The following MUC5B variants were observed in gnomAD, a reference collection of about 807,000 sequenced individuals.
MUC5B encodes the protein mucin 5B, oligomeric mucus/gel-forming.
A neutral mutation model predicts 376.9 loss-of-function variants in MUC5B; 116 were observed. The observed-to-expected ratio is 0.31, with a 90% CI of 0.26 to 0.36. MUC5B has a LOEUF of 0.36. MUC5B is among the 10% of genes least tolerant of loss of function. The probability of loss-of-function intolerance (pLI) is 1.00; values close to 1 mark genes in which losing one functional copy is unlikely to be tolerated. For synonymous variants in MUC5B, 3,517 were observed against 3,390.9 expected (o/e 1.04, Z -1.29); for missense variants, 7,165 against 7,769.9 (o/e 0.92, Z 2.93).
rs751827579 is a variant in MUC5B at position 1,250,187 on chromosome 11, C to A, written c.13307C>A (p.Ser4436Tyr). ...TTATTTASTG[S>Y]TATPSSTPGT... is the part of the protein sequence containing the mutation. ...GCCACTACGACTGCGTCCACTGGAT[C>A]CACGGCCACCCCGTCCTCCACCCCA... The change falls in exon 31 of 49, where the codon TCC becomes TAC. Residue 4436 changes from serine to tyrosine, a missense_variant. By Grantham distance (144) the Ser-to-Tyr change is moderately radical (BLOSUM62 -2). This residue lies in a region of MUC5B where 431 missense variants were observed against 390.4 expected (regional missense o/e 1.10). Transcript: ENST00000529681. 6.2e-7 allele frequency: 1 copy of A among 1,609,460 alleles called. No homozygotes were observed. Among genetic ancestry groups the A allele is most frequent in the African/African-American group, 1.3e-5 (1 of 74,828 alleles).
intron 34 of MUC5B, 43 bp from the exon 35 acceptor site, chr11:1,254,651 C>A (rs374442516): frequency 1.9e-6 from 3 of 1,585,816 alleles, no homozygotes; most frequent in Non-Finnish European, 2.6e-6. Context: ...CCGAGCCCAC[C>A]TGGCACTGCC....
At position 1,236,408 on chromosome 11, in the gene MUC5B, A is replaced by T. The variant is rs776774670; in HGVS notation, c.2903A>T (p.Glu968Val). 21 of 1,611,716 alleles carry T rather than the reference A, an allele frequency of 1.3e-5. No homozygotes were observed. Among genetic ancestry groups the T allele is most frequent in the Non-Finnish European group, 1.8e-5 (21 of 1,179,288 alleles). ...FVESYELILQ[E>V]GTFKAVARGP... The stretch of plus-strand genomic sequence containing the variant: ...CAGAGCTACGAGCTGATCCTCCAAG[A>T]GGGGACCTTTAAGGCGGTGGCGAGA... The change falls in exon 24 of 49, where the codon GAG becomes GTG. Residue 968 changes from glutamate (E) to valine (V), a missense_variant. This residue lies in a region of MUC5B where 530 missense variants were observed against 604.0 expected (regional missense o/e 0.88). Transcript: ENST00000529681.
At position 1,243,492 on chromosome 11, in the gene MUC5B, C is replaced by A. The variant is rs757376465; in HGVS notation, c.6612C>A (p.Pro2204=). The change falls in exon 31 of 49, where the codon CCC becomes CCA. Residue 2204 remains proline, a synonymous_variant. Coordinates refer to ENST00000529681, the MANE Select transcript of MUC5B (RefSeq NM_002458.3). ...MATTHGRSLP[P]SSPHTVRTAW... ...CCACACACGGGCGATCCCTGCCCCC[C>A]AGCAGTCCCCACACGGTGCGCACAG... is the stretch of plus-strand genomic sequence containing the variant. 1.9e-5 allele frequency: 30 copies of A among 1,590,912 alleles called. 1 individual carries two copies. In the South Asian group the frequency reaches 3.0e-4, roughly 16 times the overall value.
chr11:1,226,356 G>C (rs1487151183), intron 3 of MUC5B, 80 bp downstream of exon 3: 2 of 1,496,976 alleles, frequency 1.3e-6, no homozygotes, highest in Non-Finnish European at 1.8e-6. Context: ...TAGGGGTGCA[G>C]CTGCCACCAG....
rs376119692 is a variant in MUC5B, at chr11:1,226,738, G to A, written c.323G>A (p.Arg108His). 42 of 1,612,614 alleles carry A rather than the reference G, an allele frequency of 2.6e-5. No individual in the cohort carries two copies. Among genetic ancestry groups the A allele is most frequent in the African/African-American group, 8.0e-5 (6 of 74,934 alleles). The change falls in exon 4 of 49, where the codon CGC becomes CAC. Residue 108 changes from arginine to histidine, a missense_variant. Around this residue, in one of 31 missense-constraint regions of MUC5B, gnomAD observed 640 missense variants for 733.0 expected, o/e 0.87. Transcript: ENST00000529681. The stretch of plus-strand genomic sequence containing the variant: ...AACTACGTGTTCTCTGAGCACTGCC[G>A]CGCCGCCTACGAGGACTTCAACGTC... ...LCNYVFSEHC[R>H]AAYEDFNVQL... is the part of the protein sequence containing the mutation.
In MUC5B at chr11:1,250,542, C is replaced by T. The variant is rs964378079; in HGVS notation, c.13662C>T (p.Ser4554=). 8.7e-6 allele frequency: 14 copies of T among 1,613,576 alleles called. No individual in the cohort carries two copies. Among genetic ancestry groups the T allele is most frequent in the African/African-American group, 6.7e-5 (5 of 74,914 alleles). ...TATMSTATPS[S]TPETVHTSTV... The stretch of plus-strand genomic sequence containing the variant: ...CCATGTCCACAGCCACACCCTCCTC[C>T]ACTCCAGAGACTGTCCACACCTCCA... The change falls in exon 31 of 49, where the codon TCC becomes TCT. Residue 4554 remains serine, a synonymous_variant. Coordinates refer to ENST00000529681, the MANE Select transcript of MUC5B (RefSeq NM_002458.3).
At chr11:1,260,302 C>A in intron 46 of MUC5B, 49 bp from the exon 47 acceptor site, 1 of 1,588,968 alleles carries the variant, frequency 6.3e-7, no homozygotes, top group Non-Finnish European at 8.6e-7. Context: ...CCGCACCCAC[C>A]AGGGAGGCCC....
chr11:1,237,269 C>G, intron 25 of MUC5B, 105 bp downstream of exon 25: 8 of 1,260,058 alleles, frequency 6.3e-6, no homozygotes, highest in East Asian at 3.1e-5. Flanking sequence ...CAAGGAGGGT[C>G]TGACCATGTC....
In MUC5B at chr11:1,242,006, G is replaced by C; in HGVS notation, c.5126G>C (p.Trp1709Ser). 1.9e-6 allele frequency: 3 copies of C among 1,587,470 alleles called. No individual in the cohort carries two copies. Among genetic ancestry groups the C allele is most frequent in the Non-Finnish European group, 2.6e-6 (3 of 1,167,766 alleles). ...GGGACGACGGGGAGCTTGGGCACAT[G>C]GCGCCCCTCACAGCCACCCACGCTG... Reference protein sequence around the residue: ...LPGTTGSLGTWRPSQPPTLAP... With the variant: ...LPGTTGSLGTSRPSQPPTLAP... Residue 1709 changes from tryptophan (W) to serine (S), a missense_variant, in exon 31 of 49, where the codon TGG becomes TCG. By Grantham distance (177) the Trp-to-Ser change is radical. This residue lies in a region of MUC5B where 897 missense variants were observed against 779.6 expected (regional missense o/e 1.15). Transcript: ENST00000529681.
rs1009562273 is a variant in MUC5B at position 1,228,676 on chromosome 11, C to T, written c.887C>T (p.Thr296Ile). ...ACAQDLCRCPTCPCATFVEYS... is the reference protein window; with the variant it reads ...ACAQDLCRCPICPCATFVEYS... Reference sequence around the variant, plus strand: ...GCCCAGGACCTGTGCCGCTGCCCCACCTGCCCGTGTGCCACCTTTGTGGAA... The same window carrying T: ...GCCCAGGACCTGTGCCGCTGCCCCATCTGCCCGTGTGCCACCTTTGTGGAA... The change falls in exon 8 of 49, where the codon ACC (threonine) becomes ATC (isoleucine). Residue 296 changes from threonine to isoleucine, a missense_variant. By Grantham distance (89) the Thr-to-Ile change is moderately conservative. Transcript: ENST00000529681. The T allele has an allele frequency of 1.3e-6, 2 of 1,534,468 alleles. No individual in the cohort carries two copies. The highest frequency in any genetic ancestry group is 2.0e-5 in the Admixed American group (1 of 50,950).
chr11:1,226,980 G>GCCC, intron 4 of MUC5B, 51 bp from the exon 5 acceptor site: 1 of 796,874 alleles, frequency 1.3e-6, no homozygotes, highest in Non-Finnish European at 2.0e-6. Context: ...GGTTGGGTGG[G>GCCC]CAGGCAGCCA....
Position 1,233,265 on chromosome 11 carries a change from T to C in MUC5B, c.2318T>C (p.Val773Ala). 6.4e-7 allele frequency: 1 copy of C among 1,562,502 alleles called. No individual in the cohort carries two copies. Among genetic ancestry groups the C allele is most frequent in the Non-Finnish European group, 8.6e-7 (1 of 1,156,076 alleles). ...GAGGTGGTGCACGACGAGGGCGCCG[T>C]GTGGTAAGGGTCTGGGGGGAAAGCA... is the stretch of plus-strand genomic sequence containing the variant. ...PGEVVHDEGAVCSCTGGKLSC... is the reference protein window; with the variant it reads ...PGEVVHDEGAACSCTGGKLSC... Residue 773 changes from valine (V) to alanine (A), a missense_variant, in exon 18 of 49, where the codon GTG becomes GCG. Coordinates refer to ENST00000529681, the MANE Select transcript of MUC5B (RefSeq NM_002458.3).
At chr11:1,252,307 G>A in intron 31 of MUC5B, 36 bp from the exon 32 acceptor site, 1 of 1,515,442 alleles carries the variant, frequency 6.6e-7, no homozygotes, top group South Asian at 1.3e-5. Flanking sequence ...CCATCTCTGG[G>A]AGTGGCTTAT....
intron 26 of MUC5B, 171 bp from the exon 27 acceptor site, chr11:1,239,266 TG>T: frequency 1.1e-6 from 1 of 945,406 alleles, no homozygotes; most frequent in South Asian, 1.7e-5. Context: ...AGGGCAGGGC[TG>T]GGGAGTGGAG....
chr11:1,259,341 C>T (rs1230955496), intron 44 of MUC5B, among the ~76,000 whole-genome samples: 2 of 152,178 alleles, frequency 1.3e-5, no homozygotes, highest in East Asian at 3.9e-4. Flanking sequence ...ACCCGAGGCA[C>T]CTGCCCCCAG....
rs757776273 is a variant in MUC5B at position 1,254,723 on chromosome 11, C to T, written c.15507C>T (p.Ser5169=). The T allele has an allele frequency of 8.7e-6, 14 of 1,612,760 alleles. No homozygotes were observed. The highest frequency in any genetic ancestry group is 6.7e-5 in the East Asian group (3 of 44,886). The change falls in exon 35 of 49, where the codon AGC becomes AGT. Residue 5169 remains serine, a synonymous_variant. Coordinates refer to ENST00000529681, the MANE Select transcript of MUC5B (RefSeq NM_002458.3). ...LILFDQIPVS[S]GFSKNGVLVS... ...TGTTTGACCAAATTCCGGTGAGCAG[C>T]GGTTTCAGCAAGAACGGCGTGCTTG...
Position 1,256,276 on chromosome 11 carries a change from C to CTGGGGGAGCA in MUC5B, c.16136+51_16136+52insTGGGGGAGCA, listed in dbSNP as rs1564952807. The stretch of plus-strand genomic sequence containing the variant: ...TCCCTGCCACCCAGGCCTGCCTGAC[C>CTGGGGGAGCA]GGTCTGGGGGAGCAGGAGGAGGCCA... On this transcript the variant is annotated intron_variant, in intron 38 of 48. Coordinates refer to ENST00000529681, the MANE Select transcript of MUC5B (RefSeq NM_002458.3). The CTGGGGGAGCA allele has an allele frequency of 9.8e-6, 7 of 713,592 alleles. No individual in the cohort carries two copies. In the African/African-American group the frequency reaches 1.0e-4, roughly 11 times the overall value. 44.2% of individuals were successfully genotyped at this position (713,592 alleles called of 1,614,324 possible).
intron 31 of MUC5B, among the ~76,000 whole-genome samples, 192 bp downstream of exon 31, chr11:1,251,935 C>T (rs959564019): frequency 6.6e-6 from 1 of 151,976 alleles, no homozygotes. Context: ...AATCCGTCCG[C>T]ACTGGCCACA....
chr11:1,247,704 C>A lies in MUC5B; in HGVS notation c.10824C>A (p.Val3608=), dbSNP rs181429615. 3.2e-3 allele frequency: 5,115 copies of A among 1,583,926 alleles called. 293 individuals carry two copies. The highest frequency in any genetic ancestry group is 5.6e-3 in the Admixed American group (334 of 59,144). Reference sequence around the variant, plus strand: ...ACATCCGTGCGGCCGGAGGGGCAGTCTGTGAGCAGCCCCTGGGCCTCGAGT... The same window carrying A: ...ACATCCGTGCGGCCGGAGGGGCAGTATGTGAGCAGCCCCTGGGCCTCGAGT... The part of the protein sequence containing the change: ...YSNIRAAGGA[V]CEQPLGLECR... Residue 3608 remains valine, a synonymous_variant, in exon 31 of 49, where the codon GTC becomes GTA. Coordinates refer to ENST00000529681, the MANE Select transcript of MUC5B (RefSeq NM_002458.3).
Sources: gnomAD v4.1 joint callset for allele counts (sites outside exome capture counted in the v4.1 genomes callset) on GRCh38, gnomAD v4.1.1 for gene constraint, gnomAD v4.1.1 regional missense constraint, MANE v1.5 for transcripts, NCBI Gene and HGNC (gene_info 2026-07-23, HGNC 2026-07-21) for gene names.